The following PTP4A1 variants were observed in gnomAD, a reference collection of about 807,000 sequenced individuals.
PTP4A1 encodes the protein protein tyrosine phosphatase 4A1, also known as protein tyrosine phosphatase type IVA 1.
A neutral mutation model predicts 20.5 loss-of-function variants in PTP4A1; 9 were observed. The ratio of observed to expected loss-of-function variants is 0.44; its 90% CI spans 0.26 to 0.77. The LOEUF (loss-of-function observed/expected upper bound fraction) is 0.77, where lower values mean the gene tolerates loss of function less well. PTP4A1 is among the 30% of genes least tolerant of loss of function. PTP4A1 has a pLI of 0.19. For missense variants in PTP4A1, 137 were observed against 218.8 expected, an observed-to-expected ratio of 0.63 and a Z score of 2.36; for synonymous variants, 78 against 67.4, an observed-to-expected ratio of 1.16 and a Z score of -0.77.
In PTP4A1 at chr6:63,527,204, G is replaced by A. The variant is rs1581909001; in HGVS notation, c.-905-615G>A. Among the ~76,000 whole-genome samples, 3 of 152,244 alleles carry A rather than the reference G, an allele frequency of 2.0e-5. 1 individual carries two copies. Among genetic ancestry groups the A allele is most frequent in the Middle Eastern group, 3.4e-3 (1 of 294 alleles). On this transcript the variant is annotated intron_variant, in intron 1 of 3. Coordinates refer to the PTP4A1 transcript ENST00000639568. ...GTCTTCCTCAGAATTAGTCTGCTTT[G>A]AAGTGCTATAGCAGTTACTTTATGT...
the PTP4A1 span, among the ~76,000 whole-genome samples, chr6:63,516,539 C>T: frequency 6.6e-6 from 1 of 152,170 alleles, no homozygotes; most frequent in African/African-American, 2.4e-5. Context: ...GTCCATTTAA[C>T]TTCTTATGAC....
intron 2 of PTP4A1, among the ~76,000 whole-genome samples, chr6:63,544,115 G>T (rs1776090784): frequency 6.6e-6 from 1 of 152,166 alleles, no homozygotes; most frequent in South Asian, 2.1e-4. Flanking sequence ...ACTTACAATT[G>T]TGGGGAGTAA....
chr6:63,570,058 A>C (rs182651304), upstream of PTP4A1, among the ~76,000 whole-genome samples: 221 of 152,292 alleles, frequency 1.5e-3, no homozygotes, highest in African/African-American at 5.0e-3. Flanking sequence ...GGTCAGCAAG[A>C]CCACACTTAT....
chr6:63,530,861 C>T (rs1301851756), intron 2 of PTP4A1, among the ~76,000 whole-genome samples: 1 of 152,052 alleles, frequency 6.6e-6, no homozygotes, highest in Non-Finnish European at 1.5e-5. Context: ...CAAATTGATA[C>T]TTTCTTATAG....
At chr6:63,528,427 C>G (rs74700437) in intron 2 of PTP4A1, among the ~76,000 whole-genome samples, 1 of 144,772 alleles carries the variant, frequency 6.9e-6, no homozygotes, top group Non-Finnish European at 1.5e-5. Context: ...GAATCTCTGT[C>G]TTTTTTTTTT....
At position 63,580,230 on chromosome 6, in the gene PTP4A1, A is replaced by AC. The variant is rs1778140411; in HGVS notation, c.*56_*57insC. The AC allele has an allele frequency of 1.5e-6, 2 of 1,341,250 alleles. No homozygotes were observed. The highest frequency in any genetic ancestry group is 4.6e-5 in the East Asian group (2 of 43,540). 83.1% of individuals were successfully genotyped at this position (1,341,250 alleles called of 1,614,324 possible). A position where few individuals can be genotyped will look rare whatever the true frequency, so the allele number is the denominator to read the frequency against. On this transcript the variant is annotated 3_prime_UTR_variant, in exon 6 of 6. Coordinates refer to ENST00000626021, the MANE Select transcript of PTP4A1 (RefSeq NM_003463.5). Reference sequence around the variant, plus strand: ...AACTTGAGATAGGGCCTAATTTGTTATACATATTAGCCAACATGTTGGCTT... The same window carrying AC: ...AACTTGAGATAGGGCCTAATTTGTTACTACATATTAGCCAACATGTTGGCTT...
intron 1 of PTP4A1, among the ~76,000 whole-genome samples, chr6:63,527,518 G>A (rs1206382005): frequency 6.6e-6 from 1 of 152,062 alleles, no homozygotes; most frequent in Non-Finnish European, 1.5e-5. Flanking sequence ...AATATCTAAT[G>A]TGCTTTATAC....
intron 2 of PTP4A1, among the ~76,000 whole-genome samples, chr6:63,538,660 A>C (rs1273421942): frequency 6.6e-6 from 1 of 152,158 alleles, no homozygotes; most frequent in African/African-American, 2.4e-5. Context: ...CTTATTTTTT[A>C]AGATAGCATG....
At position 63,581,588 on chromosome 6, in the gene PTP4A1, T is replaced by TTG. The variant is rs1778229827; in HGVS notation, c.*1415_*1416insGT. The TTG allele has an allele frequency of 6.6e-6, 1 of 152,146 alleles. No homozygotes were observed. Among genetic ancestry groups the TTG allele is most frequent in the Admixed American group, 6.5e-5 (1 of 15,274 alleles). 9.4% of individuals were successfully genotyped at this position (152,146 alleles called of 1,614,324 possible). On this transcript the variant is annotated 3_prime_UTR_variant, in exon 6 of 6. Transcript: ENST00000626021. ...ATGATGTCAGCATTTTAGTAAACTT[T>TTG]TAGACAAAATTTGTTAGGGTCATTC...
intron 2 of PTP4A1, among the ~76,000 whole-genome samples, chr6:63,535,032 C>G (rs1235355591): frequency 2.0e-5 from 3 of 151,864 alleles, no homozygotes; most frequent in African/African-American, 7.3e-5. Context: ...TGCACTCCAG[C>G]CTGGGCAACA....
chr6:63,576,270 T>C (rs1415680979), intron 1 of PTP4A1, among the ~76,000 whole-genome samples, 166 bp from the exon 2 acceptor site: 1 of 152,168 alleles, frequency 6.6e-6, no homozygotes, highest in Non-Finnish European at 1.5e-5. Flanking sequence ...ATTGATTTAA[T>C]CTGTACTCAC....
At chr6:63,566,191 G>A (rs555617791) in intron 3 of PTP4A1, among the ~76,000 whole-genome samples, 10 of 152,314 alleles carry the variant, frequency 6.6e-5, no homozygotes, top group African/African-American at 2.4e-4. Context: ...TTTGAAGACA[G>A]GGCTGGTTTG....
intron 3 of PTP4A1, among the ~76,000 whole-genome samples, chr6:63,551,497 C>T (rs976177578): frequency 2.6e-5 from 4 of 152,086 alleles, no homozygotes; most frequent in East Asian, 3.8e-4. Context: ...TTCCTATGTA[C>T]AAATATTTTG....
At chr6:63,521,928 T>C (rs1774941397) in intron 1 of PTP4A1, 1 of 152,236 alleles carries the variant, frequency 6.6e-6, no homozygotes, top group South Asian at 2.1e-4. Context: ...AATTCTCTTA[T>C]TTTACAAATG....
chr6:63,569,248 AAT>A (rs1777315046), upstream of PTP4A1, among the ~76,000 whole-genome samples: 1 of 152,122 alleles, frequency 6.6e-6, no homozygotes, highest in Non-Finnish European at 1.5e-5. Context: ...CTTCCATAAA[AAT>A]ATCGCTTATA....
intron 2 of PTP4A1, among the ~76,000 whole-genome samples, chr6:63,550,018 GATCTA>G (rs1478393125): frequency 6.6e-6 from 1 of 152,100 alleles, no homozygotes; most frequent in Non-Finnish European, 1.5e-5. Context: ...TAATTACTCT[GATCTA>G]ATTAATCACT....
intron 2 of PTP4A1, among the ~76,000 whole-genome samples, chr6:63,577,771 C>T (rs776470083): frequency 9.2e-5 from 14 of 151,712 alleles, no homozygotes; most frequent in Non-Finnish European, 1.8e-4. Flanking sequence ...AGGCTGGTCT[C>T]GAACTCCTGA....
At chr6:63,559,513 G>A (rs1364562838) in intron 3 of PTP4A1, among the ~76,000 whole-genome samples, 4 of 152,260 alleles carry the variant, frequency 2.6e-5, no homozygotes, top group South Asian at 2.1e-4. Context: ...TTGGGAGGCC[G>A]AGGTGGGCGG....
Position 63,580,768 on chromosome 6 carries a change from A to G in PTP4A1, c.*594A>G, listed in dbSNP as rs1778179941. ...TACCAAGTCTTACAGTGATTATTTT[A>G]CGTGTTTCCATGTATCTCACTTTGT... On this transcript the variant is annotated 3_prime_UTR_variant, in exon 6 of 6. Coordinates refer to ENST00000626021, the MANE Select transcript of PTP4A1 (RefSeq NM_003463.5). 6.7e-6 allele frequency: 1 copy of G among 148,994 alleles called. No homozygotes were observed. Among genetic ancestry groups the G allele is most frequent in the African/African-American group, 2.5e-5 (1 of 40,214 alleles). 9.2% of individuals were successfully genotyped at this position (148,994 alleles called of 1,614,324 possible).
Sources: gnomAD v4.1 joint callset for allele counts (sites outside exome capture counted in the v4.1 genomes callset) on GRCh38, gnomAD v4.1.1 for gene constraint, MANE v1.5 for transcripts, NCBI Gene and HGNC (gene_info 2026-07-23, HGNC 2026-07-21) for gene names.